CA10: variants seen among roughly 807,000 people sequenced by gnomAD.
CA10 encodes carbonic anhydrase-related protein 10.
A neutral mutation model predicts 44.2 loss-of-function variants in CA10; 14 were observed. The observed-to-expected ratio is 0.32, with a 90% confidence interval of 0.21 to 0.50. The LOEUF is 0.50. CA10 is among the 20% of genes least tolerant of loss of function. CA10 has a pLI of 0.99. For missense variants in CA10, 350 were observed against 409.7 expected (o/e 0.85, Z 1.26); for synonymous variants, 159 against 141.6 (o/e 1.12, Z -0.87).
chr17:52,078,770 C>G (rs1460063416), intron 1 of CA10, among the ~76,000 whole-genome samples: 1 of 152,182 alleles, frequency 6.6e-6, no homozygotes, highest in African/African-American at 2.4e-5. Context: ...ATGACTGCCC[C>G]ATTGAGCTGC....
intron 4 of CA10, among the ~76,000 whole-genome samples, chr17:51,715,207 G>A (rs561318930): frequency 1.6e-4 from 24 of 152,096 alleles, no homozygotes; most frequent in Admixed American, 9.2e-4. Flanking sequence ...CACACACCAG[G>A]GACTGTTGTG....
intron 2 of CA10, among the ~76,000 whole-genome samples, chr17:51,948,220 G>T (rs1983355672): frequency 6.6e-6 from 1 of 152,016 alleles, no homozygotes; most frequent in South Asian, 2.1e-4. Context: ...GTATTGCTGG[G>T]GCAGGGGCTC....
At chr17:51,928,331 T>C (rs1461101661) in intron 3 of CA10, among the ~76,000 whole-genome samples, 1 of 152,100 alleles carries the variant, frequency 6.6e-6, no homozygotes, top group Non-Finnish European at 1.5e-5. Context: ...AAAATGAATA[T>C]TTTCTATTAC....
intron 4 of CA10, among the ~76,000 whole-genome samples, chr17:51,660,802 T>C (rs1333659516): frequency 6.6e-6 from 1 of 152,024 alleles, no homozygotes; most frequent in African/African-American, 2.4e-5. Flanking sequence ...CTGGGGCCCC[T>C]GGCTTTTCTA....
intron 3 of CA10, among the ~76,000 whole-genome samples, chr17:51,863,234 G>C (rs930604382): frequency 6.6e-6 from 1 of 152,168 alleles, no homozygotes; most frequent in Non-Finnish European, 1.5e-5. Flanking sequence ...CATCGATTCC[G>C]ATAGGACAAG....
chr17:51,878,893 GGTGT>G lies in CA10; in HGVS notation c.279+52093_279+52096del, dbSNP rs375444434. Among the ~76,000 whole-genome samples, 246 of 52,320 alleles carry G rather than the reference GGTGT, an allele frequency of 4.7e-3. 5 individuals carry two copies. Among genetic ancestry groups the G allele is most frequent in the African/African-American group, 0.012 (186 of 15,006 alleles). 34.3% of individuals were successfully genotyped at this position (52,320 alleles called of 152,430 possible). On this transcript the variant is annotated intron_variant, in intron 3 of 8. Coordinates refer to ENST00000451037, the MANE Select transcript of CA10 (RefSeq NM_020178.5). ...ATATATATATATATATATATATATG[GGTGT>G]GTGTGTGTGTGTGTGTATGTGTGTA...
intron 3 of CA10, among the ~76,000 whole-genome samples, chr17:51,756,971 G>A (rs1357193297): frequency 1.3e-5 from 2 of 152,168 alleles, no homozygotes; most frequent in African/African-American, 4.8e-5. Flanking sequence ...AGTGTTGGCT[G>A]AGCAACTGGG....
rs539332371 is a variant in CA10 at position 52,070,152 on chromosome 17, C to T, written c.136+2167G>A. ...TTTAGAAAGTGGAATCATCAGATACCAATCTTCTCTACCAGAAAGACAAAA... is the reference window on the plus strand; with the variant it reads ...TTTAGAAAGTGGAATCATCAGATACTAATCTTCTCTACCAGAAAGACAAAA... On this transcript the variant is annotated intron_variant, in intron 2 of 8. Transcript: ENST00000451037. 2.6e-5 allele frequency among the ~76,000 whole-genome samples: 4 copies of T among 152,222 alleles called. 1 individual carries two copies. In the South Asian group the frequency reaches 6.2e-4, roughly 24 times the overall value.
Position 51,831,690 on chromosome 17 carries a change from G to GCAGCAGCAT in CA10, c.280-83873_280-83872insATGCTGCTG, listed in dbSNP as rs1286524028. Among the ~76,000 whole-genome samples, 447 of 81,274 alleles carry GCAGCAGCAT rather than the reference G, an allele frequency of 5.5e-3. 7 individuals carry two copies. The highest frequency in any genetic ancestry group is 0.016 in the African/African-American group (429 of 27,206). 53.3% of individuals were successfully genotyped at this position (81,274 alleles called of 152,430 possible). A position where few individuals can be genotyped will look rare whatever the true frequency, so the allele number is the denominator to read the frequency against. ...AAAAGCAGCAGCAGCAGCAGCAGCA[G>GCAGCAGCAT]CAGCAGCAGCAGCAGCAGCAGCAGC... On this transcript the variant is annotated intron_variant, in intron 3 of 8. Coordinates refer to ENST00000451037, the MANE Select transcript of CA10 (RefSeq NM_020178.5).
chr17:51,910,667 C>T (rs913503055), intron 3 of CA10, among the ~76,000 whole-genome samples: 5 of 152,066 alleles, frequency 3.3e-5, no homozygotes, highest in East Asian at 3.9e-4. Flanking sequence ...GTAGTTACGC[C>T]GTTCTTGCAG....
At chr17:51,928,898 A>G (rs1982537723) in intron 3 of CA10, among the ~76,000 whole-genome samples, 1 of 152,164 alleles carries the variant, frequency 6.6e-6, no homozygotes, top group Admixed American at 6.6e-5. Flanking sequence ...ACGACCAACT[A>G]TATTTTATTT....
intron 2 of CA10, among the ~76,000 whole-genome samples, chr17:52,040,245 C>G (rs935593440): frequency 1.3e-5 from 2 of 150,542 alleles, no homozygotes; most frequent in Admixed American, 6.6e-5. Flanking sequence ...TCATCTTCAT[C>G]TGTAAACATG....
At position 51,687,966 on chromosome 17, in the gene CA10, GGATATTAAGTAAA is replaced by G. The variant is rs1365780844; in HGVS notation, c.466-34243_466-34231del. Among the ~76,000 whole-genome samples, 13 of 152,310 alleles carry G rather than the reference GGATATTAAGTAAA, an allele frequency of 8.5e-5. No individual in the cohort carries two copies. In the East Asian group the frequency reaches 2.1e-3, roughly 25 times the overall value. On this transcript the variant is annotated intron_variant, in intron 4 of 8. Transcript: ENST00000451037. ...GTAGAGTTGAACTGTGAAACCAACA[GGATATTAAGTAAA>G]TGACAGTGTGCGACTTCCAGGGCCA...
At chr17:51,655,381 G>T (rs990051364) in intron 4 of CA10, among the ~76,000 whole-genome samples, 4 of 152,224 alleles carry the variant, frequency 2.6e-5, no homozygotes, top group African/African-American at 9.6e-5. Context: ...GAAGTGATTT[G>T]TGACTCTGAA....
chr17:52,134,108 G>C (rs535316427), intron 1 of CA10, among the ~76,000 whole-genome samples: 2 of 152,242 alleles, frequency 1.3e-5, no homozygotes, highest in African/African-American at 2.4e-5. Flanking sequence ...CACTCTATAC[G>C]TTATTAATCT....
At chr17:51,911,134 T>A (rs1052413553) in intron 3 of CA10, among the ~76,000 whole-genome samples, 3 of 152,248 alleles carry the variant, frequency 2.0e-5, no homozygotes, top group South Asian at 4.1e-4. Flanking sequence ...GCTTTTAATC[T>A]CAGTCAAGAG....
rs1598094783 is a variant in CA10 at position 51,876,348 on chromosome 17, T to C, written c.279+54642A>G. ...CACCCAGCTACTTTTTTTTCATCTT[T>C]TTTTTTTTTTTTTTGGTAGAGATGA... On this transcript the variant is annotated intron_variant, in intron 3 of 8. Transcript: ENST00000451037. Among the ~76,000 whole-genome samples, 4 of 147,594 alleles carry C rather than the reference T, an allele frequency of 2.7e-5. No individual in the cohort carries two copies. The South Asian group carries it at 8.6e-4, about 32-fold the overall frequency.
At chr17:52,107,278 G>A (rs995846415) in intron 1 of CA10, among the ~76,000 whole-genome samples, 1 of 152,154 alleles carries the variant, frequency 6.6e-6, no homozygotes, top group African/African-American at 2.4e-5. Context: ...GCTATAAAGT[G>A]AATAAGGAGG....
intron 2 of CA10, among the ~76,000 whole-genome samples, chr17:51,946,858 G>T (rs945241614): frequency 7.2e-5 from 11 of 152,144 alleles, no homozygotes; most frequent in African/African-American, 2.7e-4. Context: ...TTTGATGAAT[G>T]AATGAGGAGT....
Sources: gnomAD v4.1 joint callset for allele counts (sites outside exome capture counted in the v4.1 genomes callset) on GRCh38, gnomAD v4.1.1 for gene constraint, MANE v1.5 for transcripts, NCBI Gene and HGNC (gene_info 2026-07-23, HGNC 2026-07-21) for gene names.